The following CFAP65 variants were observed in gnomAD, a reference collection of about 807,000 sequenced individuals.
The protein encoded by CFAP65 is cilia- and flagella-associated protein 65.
A neutral mutation model predicts 208.0 loss-of-function variants in CFAP65; 155 were observed. The observed-to-expected ratio is 0.75, with a 90% CI of 0.65 to 0.85. The LOEUF (loss-of-function observed/expected upper bound fraction) is 0.85, where lower values mean the gene tolerates loss of function less well. CFAP65 is among the 40% of genes least tolerant of loss of function. CFAP65 has a pLI of 0.00. For synonymous variants in CFAP65, 970 were observed against 986.3 expected (o/e 0.98, Z 0.31); for missense variants, 2,294 against 2,451.3 (o/e 0.94, Z 1.36).
rs1286775924 is a variant in CFAP65, at chr2:219,006,489, G to A, written c.4695C>T (p.Ala1565=). The change falls in exon 30 of 35, where the codon GCC becomes GCT. Residue 1565 remains alanine, a synonymous_variant. Transcript: ENST00000341552. ...CCTTGTACTTCCTCGCAGGTTCACA[G>A]GCTGTGCAGCATGTTCTCTTCTGTG... ...MKVKKRTCCT[A]CEPARKYKTL... is the part of the protein sequence containing the mutation. The A allele has an allele frequency of 6.2e-7, 1 of 1,613,520 alleles. No homozygotes were observed. Among genetic ancestry groups the A allele is most frequent in the Non-Finnish European group, 8.5e-7 (1 of 1,179,982 alleles).
At chr2:219,028,458 T>G (rs1574624825) in intron 11 of CFAP65, 57 bp from the exon 12 acceptor site, 3 of 1,404,460 alleles carry the variant, frequency 2.1e-6, no homozygotes, top group East Asian at 2.3e-5. Flanking sequence ...GCAAGGGGGG[T>G]GCTGGGGGTT....
intron 32 of CFAP65, 67 bp downstream of exon 32, chr2:219,005,367 G>A (rs757419644): frequency 3.1e-5 from 50 of 1,593,264 alleles, no homozygotes; most frequent in Non-Finnish European, 4.2e-5. Flanking sequence ...GGAATGTAAG[G>A]GGCTCTGGCT....
Position 219,019,108 on chromosome 2 carries a change from G to A in CFAP65, c.3545C>T (p.Ala1182Val). The A allele has an allele frequency of 1.9e-6, 3 of 1,614,236 alleles. No individual in the cohort carries two copies. Among genetic ancestry groups the A allele is most frequent in the Non-Finnish European group, 1.7e-6 (2 of 1,180,042 alleles). Residue 1182 changes from alanine to valine, a missense_variant, in exon 21 of 35, where the codon GCC becomes GTC. Around this residue, in one of 2 missense-constraint regions of CFAP65, gnomAD observed 1,427 missense variants for 1,438.7 expected, o/e 0.99. Transcript: ENST00000341552. Reference protein sequence around the residue: ...DFNFGAAPFKAPPSVVFLALK... With the variant: ...DFNFGAAPFKVPPSVVFLALK... ...GGCCAGGAATACCACGGAAGGTGGG[G>A]CCTTGAATGGTGCGGCCCCGAAATT...
At position 219,032,488 on chromosome 2, in the gene CFAP65, G is replaced by A; in HGVS notation, c.627C>T (p.Val209=). 1 of 1,600,308 alleles carries A rather than the reference G, an allele frequency of 6.2e-7. No individual in the cohort carries two copies. The highest frequency in any genetic ancestry group is 8.5e-7 in the Non-Finnish European group (1 of 1,173,612). Residue 209 remains valine, a synonymous_variant, in exon 6 of 35, where the codon GTC becomes GTT. Transcript: ENST00000341552. The surrounding 1 kb of genome is among the most constrained non-coding windows in gnomAD (Gnocchi z 5.5). ...ACCTTACCGCCTCCAGAGGCCGGAA[G>A]ACGATGGGGAGCGTGAGGGTTATGC... ...SPGITLTLPI[V]FRPLEAKEYM... is the part of the protein sequence containing the mutation.
Position 219,009,118 on chromosome 2 carries a change from C to T in CFAP65, c.4603G>A (p.Glu1535Lys), listed in dbSNP as rs779316323. The part of the protein sequence containing the change: ...SQQLMRQYHK[E>K]LQEWKDEKVR... ...TTCTCGTCCTTCCACTCCTGCAGCT[C>T]CTTGTGATACTGCCTCATGAGCTGC... Residue 1535 changes from glutamate to lysine, a missense_variant, in exon 29 of 35, where the codon GAG (glutamate) becomes AAG (lysine). This residue lies in a region of CFAP65 where 1,427 missense variants were observed against 1,438.7 expected (regional missense o/e 0.99). Transcript: ENST00000341552. 5 of 1,612,828 alleles carry T rather than the reference C, an allele frequency of 3.1e-6. No homozygotes were observed. The highest frequency in any genetic ancestry group is 1.3e-5 in the African/African-American group (1 of 74,942).
intron 8 of CFAP65, 36 bp from the exon 9 acceptor site, chr2:219,030,870 C>T (rs1211510311): frequency 1.9e-6 from 3 of 1,599,020 alleles, no homozygotes; most frequent in Admixed American, 3.4e-5. Context: ...GGGGAACCCA[C>T]CAGGGCCTCT....
At position 219,040,517 on chromosome 2, in the gene CFAP65, A is replaced by G; in HGVS notation, c.-3+2T>C. ...ACCAGACAAGGCAGGCAAGGCTCCT[A>G]CCTCCAATTGTGAACTGGACGTTCA... On this transcript the variant is annotated splice_donor_variant, in intron 2 of 34. Coordinates refer to ENST00000341552, the MANE Select transcript of CFAP65 (RefSeq NM_194302.4). LOFTEE classifies it low-confidence loss of function (5UTR_SPLICE). 1 of 1,444,034 alleles carries G rather than the reference A, an allele frequency of 6.9e-7. No homozygotes were observed. Among genetic ancestry groups the G allele is most frequent in the African/African-American group, 1.4e-5 (1 of 71,032 alleles). The allele number at this position is 1,444,034 out of a possible 1,614,324, so 89.5% of individuals were successfully genotyped here. A position where few individuals can be genotyped will look rare whatever the true frequency, so the allele number is the denominator to read the frequency against.
In CFAP65 at chr2:219,009,461, C is replaced by T. The variant is rs1946275230; in HGVS notation, c.4453-1G>A. The T allele has an allele frequency of 6.2e-7, 1 of 1,605,628 alleles. No homozygotes were observed. The highest frequency in any genetic ancestry group is 8.5e-7 in the Non-Finnish European group (1 of 1,173,708). ...CCCCTATCATGGGACTCACAGACACCTGTTGATTTGGGGAAGGAGTCTCTG... is the reference window on the plus strand; with the variant it reads ...CCCCTATCATGGGACTCACAGACACTTGTTGATTTGGGGAAGGAGTCTCTG... On this transcript the variant is annotated splice_acceptor_variant, in intron 27 of 34. Transcript: ENST00000341552. LOFTEE classifies it high-confidence loss of function.
At position 219,032,623 on chromosome 2, in the gene CFAP65, TG is replaced by T. The variant is rs1948126049; in HGVS notation, c.543-52del. On this transcript the variant is annotated intron_variant, in intron 5 of 34. Coordinates refer to ENST00000341552, the MANE Select transcript of CFAP65 (RefSeq NM_194302.4). This position sits in a 1 kb window ranked among gnomAD's most constrained non-coding sequence, Gnocchi z 5.5. ...ACCTCAGATCAGGGCTCAGAACAAC[TG>T]GAAGAGGCAGGAAACGAGGGAAGCC... The T allele has an allele frequency of 6.7e-7, 1 of 1,490,190 alleles. No homozygotes were observed. Among genetic ancestry groups the T allele is most frequent in the Non-Finnish European group, 9.1e-7 (1 of 1,093,046 alleles). The allele number at this position is 1,490,190 out of a possible 1,614,324, so 92.3% of individuals were successfully genotyped here. A position where few individuals can be genotyped will look rare whatever the true frequency, so the allele number is the denominator to read the frequency against.
At chr2:219,008,102 A>G (rs575507167) in intron 29 of CFAP65, among the ~76,000 whole-genome samples, 37 of 152,300 alleles carry the variant, frequency 2.4e-4, no homozygotes, top group African/African-American at 8.7e-4. Context: ...TACAGGTGTG[A>G]GCCACCATGC....
Position 219,016,704 on chromosome 2 carries a change from T to C in CFAP65, c.3602+2347A>G, listed in dbSNP as rs139638089. Among the ~76,000 whole-genome samples the C allele has an allele frequency of 3.9e-5, 6 of 152,276 alleles. No individual in the cohort carries two copies. The East Asian group carries it at 9.7e-4, about 25-fold the overall frequency. On this transcript the variant is annotated intron_variant, in intron 21 of 34. Transcript: ENST00000341552. Reference sequence around the variant, plus strand: ...GGAGAACCACAACGGCCTCCCAACATGTCCCCTTGCCTCAAGCTGCTAACC... The same window carrying C: ...GGAGAACCACAACGGCCTCCCAACACGTCCCCTTGCCTCAAGCTGCTAACC...
At chr2:219,016,157 G>A (rs1671318511) in intron 21 of CFAP65, among the ~76,000 whole-genome samples, 1 of 152,150 alleles carries the variant, frequency 6.6e-6, no homozygotes, top group South Asian at 2.1e-4. Flanking sequence ...TTACAAGTGA[G>A]TAAACCACTG....
Position 219,004,065 on chromosome 2 carries a change from G to C in CFAP65, c.5442C>G (p.Ile1814Met), listed in dbSNP as rs139829270. ...GGGACTCAGGCTGTGGTGTGGGCCC[G>C]ATGCCCGCCCAGCTCACTTTCTCTT... ...EKEEKVSWAG[I>M]GPTPQPESQE... is the part of the protein sequence containing the mutation. The change falls in exon 33 of 35, where the codon ATC (isoleucine) becomes ATG (methionine). Residue 1814 changes from isoleucine to methionine, a missense_variant. Physicochemically the swap from Ile to Met is conservative, Grantham distance 10. Around this residue, in one of 2 missense-constraint regions of CFAP65, gnomAD observed 1,427 missense variants for 1,438.7 expected, o/e 0.99. Coordinates refer to ENST00000341552, the MANE Select transcript of CFAP65 (RefSeq NM_194302.4). The surrounding 1 kb of genome is among the most constrained non-coding windows in gnomAD (Gnocchi z 4.7). The C allele has an allele frequency of 1.9e-6, 3 of 1,613,976 alleles. No individual in the cohort carries two copies. Among genetic ancestry groups the C allele is most frequent in the Non-Finnish European group, 2.5e-6 (3 of 1,180,004 alleles).
chr2:219,005,434 C>T lies in CFAP65; in HGVS notation c.5051G>A (p.Arg1684Lys). The change falls in exon 32 of 35, where the codon AGG (arginine) becomes AAG (lysine). Residue 1684 changes from arginine to lysine, a missense_variant and splice_region_variant. This residue lies in a region of CFAP65 where 1,427 missense variants were observed against 1,438.7 expected (regional missense o/e 0.99). Coordinates refer to ENST00000341552, the MANE Select transcript of CFAP65 (RefSeq NM_194302.4). ...GAGGGCCCAGGGTGTGAGCTGGTAC[C>T]TGATTATTGTGGTGAGAATGTCAAC... Reference protein sequence around the residue: ...LLVDILTTIIRGLLEDKNFHE... With the variant: ...LLVDILTTIIKGLLEDKNFHE... 5 of 1,613,738 alleles carry T rather than the reference C, an allele frequency of 3.1e-6. No homozygotes were observed. The highest frequency in any genetic ancestry group is 4.2e-6 in the Non-Finnish European group (5 of 1,179,936).
chr2:219,040,822 C>T (rs1019483324), intron 1 of CFAP65, among the ~76,000 whole-genome samples: 1 of 152,194 alleles, frequency 6.6e-6, no homozygotes, highest in African/African-American at 2.4e-5. Flanking sequence ...CGCTGGGTGC[C>T]AGCATCTTCT....
At chr2:219,013,814 G>A (rs975103917) in intron 22 of CFAP65, 54 bp downstream of exon 22, 33 of 1,489,226 alleles carry the variant, frequency 2.2e-5, no homozygotes, top group Admixed American at 1.1e-4. Flanking sequence ...TGAAATGCCC[G>A]GGGTAGGGGC....
At chr2:219,037,875 G>A (rs1467618624) in intron 4 of CFAP65, among the ~76,000 whole-genome samples, 1 of 152,228 alleles carries the variant, frequency 6.6e-6, no homozygotes, top group Non-Finnish European at 1.5e-5. Flanking sequence ...CCCCTGGACA[G>A]CTGCATCATC....
intron 21 of CFAP65, among the ~76,000 whole-genome samples, chr2:219,017,934 C>G (rs998187387): frequency 6.6e-6 from 1 of 152,122 alleles, no homozygotes; most frequent in Non-Finnish European, 1.5e-5. Context: ...CTCAGTTACT[C>G]ACAGTTCTGG....
intron 12 of CFAP65, 44 bp downstream of exon 12, chr2:219,028,157 A>G (rs766229365): frequency 2.8e-5 from 45 of 1,602,134 alleles, no homozygotes; most frequent in Non-Finnish European, 2.6e-6. Context: ...GGATTGCCCA[A>G]GAATCACTAG....
Sources: allele counts gnomAD v4.1 joint callset (sites outside exome capture counted in the v4.1 genomes callset), GRCh38; gene constraint gnomAD v4.1.1; regional missense constraint gnomAD v4.1.1; non-coding constraint Gnocchi (gnomAD v3.1); transcripts MANE v1.5; gene names NCBI Gene and HGNC (gene_info 2026-07-23, HGNC 2026-07-21).